Variants in CCDC191 observed in about 807,000 individuals in gnomAD.
The protein encoded by CCDC191 is coiled-coil domain containing 191.
A neutral mutation model predicts 114.0 loss-of-function variants in CCDC191; 99 were observed. The ratio of observed to expected loss-of-function variants is 0.87; its 90% CI spans 0.74 to 1.03. The LOEUF (loss-of-function observed/expected upper bound fraction) is 1.03, where lower values mean the gene tolerates loss of function less well. Ranked by LOEUF, CCDC191 falls within the 50% of genes least tolerant of loss-of-function variation. CCDC191 has a pLI of 0.00. For synonymous variants in CCDC191, 351 were observed against 376.0 expected (o/e 0.93, Z 0.77); for missense variants, 973 against 1,087.0 (o/e 0.90, Z 1.47).
At chr3:113,968,476 C>T (rs561045885) in intron 16 of CCDC191, among the ~76,000 whole-genome samples, 24 of 150,024 alleles carry the variant, frequency 1.6e-4, no homozygotes, top group African/African-American at 3.9e-4. Flanking sequence ...TTTTTTAGGG[C>T]GTCACTCTGT....
intron 7 of CCDC191, among the ~76,000 whole-genome samples, chr3:114,019,347 A>G (rs936470358): frequency 3.3e-5 from 5 of 152,162 alleles, no homozygotes; most frequent in African/African-American, 1.2e-4. Context: ...TGAGAATAAG[A>G]CAGCTATAAA....
intron 4 of CCDC191, among the ~76,000 whole-genome samples, 167 bp downstream of exon 4, chr3:114,042,536 T>G (rs1014483552): frequency 1.1e-4 from 16 of 152,126 alleles, no homozygotes; most frequent in Admixed American, 3.3e-4. Flanking sequence ...ACTGAAGATA[T>G]AGCATAAGAA....
chr3:114,006,035 C>G, intron 9 of CCDC191, 73 bp from the exon 10 acceptor site: 1 of 1,356,544 alleles, frequency 7.4e-7, no homozygotes, highest in Non-Finnish European at 1.0e-6. Flanking sequence ...TTTATGAGGT[C>G]AGTATTGTTT....
At chr3:114,009,800 G>T (rs748926081) in intron 9 of CCDC191, among the ~76,000 whole-genome samples, 2 of 152,280 alleles carry the variant, frequency 1.3e-5, no homozygotes, top group South Asian at 2.1e-4. Flanking sequence ...GATGTTCACT[G>T]AAGCATTGTT....
Position 114,002,499 on chromosome 3 carries a change from C to T in CCDC191, c.2018G>A (p.Arg673Gln), listed in dbSNP as rs200341116. The T allele has an allele frequency of 3.7e-5, 60 of 1,611,268 alleles. No individual in the cohort carries two copies. Among genetic ancestry groups the T allele is most frequent in the Middle Eastern group, 1.7e-4 (1 of 6,044 alleles). The change falls in exon 12 of 17, where the codon CGG (arginine) becomes CAG (glutamine). Residue 673 changes from arginine (R) to glutamine (Q), a missense_variant. Coordinates refer to ENST00000295878, the MANE Select transcript of CCDC191 (RefSeq NM_020817.2). ...ERAIQRAECR[R>Q]ILAEKKKKQE... is the part of the protein sequence containing the mutation. ...TTTTTTCTTCTTCTCTGCCAAGATCCGCCTACATTCAGCTCGTTGAATTGC... is the reference window on the plus strand; with the variant it reads ...TTTTTTCTTCTTCTCTGCCAAGATCTGCCTACATTCAGCTCGTTGAATTGC...
chr3:113,969,253 C>T (rs1313992613), intron 16 of CCDC191, among the ~76,000 whole-genome samples: 1 of 152,222 alleles, frequency 6.6e-6, no homozygotes, highest in Non-Finnish European at 1.5e-5. Flanking sequence ...GGACAAACAT[C>T]CAAACTATAC....
chr3:114,042,827 G>C lies in CCDC191; in HGVS notation c.291C>G (p.Asp97Glu), dbSNP rs775178775. 9.4e-6 allele frequency: 15 copies of C among 1,600,544 alleles called. No homozygotes were observed. The highest frequency in any genetic ancestry group is 5.1e-6 in the Non-Finnish European group (6 of 1,175,606). Residue 97 changes from aspartate (D) to glutamate (E), a missense_variant, in exon 4 of 17, where the codon GAC becomes GAG. Physicochemically the swap from Asp to Glu is conservative, Grantham distance 45 (BLOSUM62 2). Transcript: ENST00000295878. The stretch of plus-strand genomic sequence containing the variant: ...CTTGCTTAAGTTTGGTGTCTAACCA[G>C]TCATTGACCAGCTCCTGAGCTACAA... The part of the protein sequence containing the change: ...IYAEAQELVN[D>E]WLDTKLKQEL...
intron 8 of CCDC191, 138 bp downstream of exon 8, chr3:114,018,540 T>C (rs2076197808): frequency 4.2e-6 from 3 of 708,394 alleles, no homozygotes; most frequent in Middle Eastern, 3.7e-4. Context: ...AGATGTAACA[T>C]AGAAAAACTG....
At position 114,018,868 on chromosome 3, in the gene CCDC191, A is replaced by T; in HGVS notation, c.973T>A (p.Cys325Ser). ...CAGGCAGCGAAATACCGTTTTTGAC[A>T]CTGCAGCGGAAATATTAGGAAAATC... ...LIQTFKENQQCQKRYFAAWHK... is the reference protein window; with the variant it reads ...LIQTFKENQQSQKRYFAAWHK... The change falls in exon 8 of 17, where the codon TGT becomes AGT. Residue 325 changes from cysteine to serine, a missense_variant and splice_region_variant. Coordinates refer to ENST00000295878, the MANE Select transcript of CCDC191 (RefSeq NM_020817.2). 1 of 1,612,978 alleles carries T rather than the reference A, an allele frequency of 6.2e-7. No individual in the cohort carries two copies.
At chr3:114,028,506 C>T (rs889141130) in intron 7 of CCDC191, among the ~76,000 whole-genome samples, 3 of 151,780 alleles carry the variant, frequency 2.0e-5, no homozygotes, top group Non-Finnish European at 2.9e-5. Context: ...AGGATGGTCT[C>T]GATCTCCTGA....
intron 4 of CCDC191, among the ~76,000 whole-genome samples, chr3:114,040,201 G>A (rs1452438617): frequency 6.6e-6 from 1 of 152,174 alleles, no homozygotes; most frequent in Non-Finnish European, 1.5e-5. Flanking sequence ...TGTGGCCTAG[G>A]AGCAATAGCC....
intron 13 of CCDC191, among the ~76,000 whole-genome samples, chr3:113,999,589 G>A (rs1467999288): frequency 6.6e-6 from 1 of 152,164 alleles, no homozygotes; most frequent in African/African-American, 2.4e-5. Flanking sequence ...TGAAGGTTTG[G>A]GTCACCTGTT....
chr3:113,995,272 T>C (rs1379054195), intron 13 of CCDC191, among the ~76,000 whole-genome samples: 2 of 152,024 alleles, frequency 1.3e-5, no homozygotes, highest in Non-Finnish European at 1.5e-5. Context: ...CCACAATATA[T>C]CCATGTAACA....
chr3:113,988,125 A>G (rs1418633864), intron 13 of CCDC191, among the ~76,000 whole-genome samples: 1 of 151,994 alleles, frequency 6.6e-6, no homozygotes, highest in African/African-American at 2.4e-5. Flanking sequence ...CTTAATTAAA[A>G]CCAGATAAGG....
At chr3:114,022,750 T>G (rs1031022167) in intron 7 of CCDC191, among the ~76,000 whole-genome samples, 10 of 152,072 alleles carry the variant, frequency 6.6e-5, no homozygotes, top group Admixed American at 2.0e-4. Context: ...ACAGATGCTA[T>G]GAAGTCCCTG....
chr3:114,037,754 T>A (rs2076505584), intron 4 of CCDC191, among the ~76,000 whole-genome samples: 1 of 152,196 alleles, frequency 6.6e-6, no homozygotes. Context: ...CCTTATACTC[T>A]AGATCATCTC....
chr3:114,052,693 C>T (rs2076712344), intron 2 of CCDC191, among the ~76,000 whole-genome samples: 1 of 152,220 alleles, frequency 6.6e-6, no homozygotes, highest in Non-Finnish European at 1.5e-5. Flanking sequence ...TTAGCTCCAA[C>T]ACCCAACACA....
rs773282867 is a variant in CCDC191 at position 113,965,140 on chromosome 3, T to C, written c.*15A>G. ...CTAGTCGAGCTTCCTGTCCTAAATA[T>C]TACACTAATCTGGCTCATTCGTTCA... On this transcript the variant is annotated 3_prime_UTR_variant, in exon 17 of 17. Coordinates refer to ENST00000295878, the MANE Select transcript of CCDC191 (RefSeq NM_020817.2). 27 of 1,554,552 alleles carry C rather than the reference T, an allele frequency of 1.7e-5. No homozygotes were observed. In the Admixed American group the frequency reaches 3.2e-4, roughly 18 times the overall value.
In CCDC191 at chr3:114,053,651, A is replaced by G. The variant is rs561315070; in HGVS notation, c.91-16T>C. 1.3e-6 allele frequency: 2 copies of G among 1,557,062 alleles called. No individual in the cohort carries two copies. Among genetic ancestry groups the G allele is most frequent in the South Asian group, 2.3e-5 (2 of 87,628 alleles). On this transcript the variant is annotated splice_polypyrimidine_tract_variant and intron_variant, in intron 1 of 16. Coordinates refer to ENST00000295878, the MANE Select transcript of CCDC191 (RefSeq NM_020817.2). ...CAAAAGTAGGCTGTAGATAACATAT[A>G]TATGATATCAATACGCAGCAATATC... is the stretch of plus-strand genomic sequence containing the variant.
Sources: gnomAD v4.1 joint callset for allele counts (sites outside exome capture counted in the v4.1 genomes callset) on GRCh38, gnomAD v4.1.1 for gene constraint, MANE v1.5 for transcripts, NCBI Gene and HGNC (gene_info 2026-07-23, HGNC 2026-07-21) for gene names.